The following PAX2 variants were observed in gnomAD, a reference collection of about 807,000 sequenced individuals.
The protein encoded by PAX2 is paired box 2, also known as paired box protein Pax-2.
In PAX2, 9 loss-of-function variants were observed where a neutral mutation model predicts 41.7. That is an observed-to-expected ratio of 0.22 (90% CI 0.13 to 0.38). The LOEUF is 0.38. Ranked by LOEUF, PAX2 falls within the 10% of genes least tolerant of loss-of-function variation. The pLI is 1.00. For missense variants in PAX2, 418 were observed against 531.6 expected, an observed-to-expected ratio of 0.79 and a Z score of 2.10; for synonymous variants, 221 against 212.7, an observed-to-expected ratio of 1.04 and a Z score of -0.34.
chr10:100,818,805 T>C (rs2133974205), intron 7 of PAX2, among the ~76,000 whole-genome samples: 1 of 152,340 alleles, frequency 6.6e-6, no homozygotes, highest in African/African-American at 2.4e-5. Flanking sequence ...CCTATCTATT[T>C]TCTGGGTCTG....
chr10:100,746,285 C>T lies in PAX2; in HGVS notation c.25C>T (p.Pro9Ser), dbSNP rs1000608445. The T allele has an allele frequency of 1.9e-6, 3 of 1,611,910 alleles. No homozygotes were observed. ...CATGGATATGCACTGCAAAGCAGAC[C>T]CCTTCTCCGCGATGCACCGTGAGTA... MDMHCKAD[P>S]FSAMHPGHGG... The change falls in exon 1 of 10, where the codon CCC becomes TCC. Residue 9 changes from proline (P) to serine (S), a missense_variant. Transcript: ENST00000355243.
rs987202452 is a variant in PAX2 at position 100,748,506 on chromosome 10, G to T, written c.44-1240G>T. The stretch of plus-strand genomic sequence containing the variant: ...CCGAAACTCGCGTGAGGCTAGCGGG[G>T]CAGGGGCTGCAGCTTGCCAGTCCGG... On this transcript the variant is annotated intron_variant, in intron 1 of 9. Coordinates refer to ENST00000355243, the MANE Select transcript of PAX2 (RefSeq NM_000278.5). This position sits in a 1 kb window ranked among gnomAD's most constrained non-coding sequence, Gnocchi z 5.0. 2.0e-6 allele frequency: 2 copies of T among 985,290 alleles called. No individual in the cohort carries two copies. The highest frequency in any genetic ancestry group is 9.4e-5 in the South Asian group (2 of 21,278). 61.0% of individuals were successfully genotyped at this position (985,290 alleles called of 1,614,324 possible).
intron 5 of PAX2, among the ~76,000 whole-genome samples, chr10:100,782,318 C>A (rs1259070599): frequency 6.6e-6 from 1 of 152,242 alleles, no homozygotes; most frequent in Non-Finnish European, 1.5e-5. Flanking sequence ...AGAACAGTCC[C>A]AATTTATGCC....
At chr10:100,767,364 G>A (rs1846064055) in intron 3 of PAX2, among the ~76,000 whole-genome samples, 1 of 152,216 alleles carries the variant, frequency 6.6e-6, no homozygotes, top group Admixed American at 6.5e-5. Context: ...AGGCCTCTGG[G>A]CTCTCATTGC....
upstream of PAX2, among the ~76,000 whole-genome samples, chr10:100,745,427 C>T (rs1313103039): frequency 1.3e-5 from 2 of 151,932 alleles, no homozygotes; most frequent in Non-Finnish European, 2.9e-5. Flanking sequence ...GCCCTCCTCG[C>T]CGAAGCTCGG....
At position 100,824,786 on chromosome 10, in the gene PAX2, G is replaced by C. The variant is rs1848493763; in HGVS notation, c.1021+37G>C. ...TGCTGCAGCTGCCTAATCTAGGTGGGGGGAACTAAATTGTGGGTGAGCTGC... is the reference window on the plus strand; with the variant it reads ...TGCTGCAGCTGCCTAATCTAGGTGGCGGGAACTAAATTGTGGGTGAGCTGC... On this transcript the variant is annotated intron_variant, in intron 8 of 9. Coordinates refer to ENST00000355243, the MANE Select transcript of PAX2 (RefSeq NM_000278.5). The surrounding 1 kb of genome is among the most constrained non-coding windows in gnomAD (Gnocchi z 6.6). The C allele has an allele frequency of 1.3e-6, 2 of 1,527,160 alleles. No individual in the cohort carries two copies. The highest frequency in any genetic ancestry group is 1.8e-6 in the Non-Finnish European group (2 of 1,100,716). 94.6% of individuals were successfully genotyped at this position (1,527,160 alleles called of 1,614,324 possible).
chr10:100,771,474 C>T (rs1249281921), intron 3 of PAX2, among the ~76,000 whole-genome samples: 3 of 152,206 alleles, frequency 2.0e-5, no homozygotes, highest in Admixed American at 6.5e-5. Context: ...AAGGAAGCCA[C>T]GTGCAGGAGA....
chr10:100,821,076 A>T (rs1255506890), intron 7 of PAX2, among the ~76,000 whole-genome samples: 1 of 152,242 alleles, frequency 6.6e-6, no homozygotes, highest in East Asian at 1.9e-4. Context: ...GCTTGCACAG[A>T]TTCCATTACC....
chr10:100,806,471 G>C lies in PAX2; in HGVS notation c.658G>C (p.Gly220Arg). The change falls in exon 6 of 10, where the codon GGT (glycine) becomes CGT (arginine). Residue 220 changes from glycine to arginine, a missense_variant. Around this residue, in one of 2 missense-constraint regions of PAX2, gnomAD observed 310 missense variants for 325.2 expected, o/e 0.95. Coordinates refer to ENST00000355243, the MANE Select transcript of PAX2 (RefSeq NM_000278.5). ...AGTCCCCAATGGAGATTCCCAGAGTGGTGTGGACAGTTTGCGGAAGCACTT... is the reference window on the plus strand; with the variant it reads ...AGTCCCCAATGGAGATTCCCAGAGTCGTGTGGACAGTTTGCGGAAGCACTT... ...GSVPNGDSQS[G>R]VDSLRKHLRA... 1 of 1,614,228 alleles carries C rather than the reference G, an allele frequency of 6.2e-7. No individual in the cohort carries two copies. Among genetic ancestry groups the C allele is most frequent in the Non-Finnish European group, 8.5e-7 (1 of 1,180,040 alleles).
At chr10:100,751,582 C>T (rs1345789581) in intron 3 of PAX2, among the ~76,000 whole-genome samples, 2 of 152,230 alleles carry the variant, frequency 1.3e-5, no homozygotes, top group East Asian at 3.8e-4. Context: ...AGTCTTTGCA[C>T]TGATGACAGG....
At chr10:100,781,931 A>G (rs1846645301) in intron 5 of PAX2, among the ~76,000 whole-genome samples, 2 of 152,168 alleles carry the variant, frequency 1.3e-5, no homozygotes, top group South Asian at 4.1e-4. Context: ...AAATGCCTCA[A>G]GGTGCAGCCA....
intron 3 of PAX2, among the ~76,000 whole-genome samples, chr10:100,759,054 G>T (rs1248803516): frequency 6.6e-6 from 1 of 152,190 alleles, no homozygotes; most frequent in African/African-American, 2.4e-5. Context: ...GCTGGACAGG[G>T]TTGTTCGGGA....
intron 5 of PAX2, among the ~76,000 whole-genome samples, chr10:100,800,269 CTTT>C (rs1847509303): frequency 2.4e-5 from 1 of 41,272 alleles, no homozygotes; most frequent in Non-Finnish European, 6.1e-5. Flanking sequence ...CTTTTCTTTT[CTTT>C]CTTTTTTTTT....
intron 7 of PAX2, among the ~76,000 whole-genome samples, chr10:100,815,004 G>C (rs75864458): frequency 0.012 from 1,851 of 152,310 alleles, 26 homozygotes; most frequent in Non-Finnish European, 0.021. Context: ...TTCTGAAAAG[G>C]GTTGCCAACT....
chr10:100,764,136 ATTTTTTTT>A (rs145391942), intron 3 of PAX2, among the ~76,000 whole-genome samples: 2 of 103,746 alleles, frequency 1.9e-5, no homozygotes, highest in African/African-American at 4.1e-5. Flanking sequence ...CAAACATTGA[ATTTTTTTT>A]TTTTTTTTTT....
At chr10:100,749,401 C>T (rs200070380) in intron 1 of PAX2, 1 of 1,120,242 alleles carries the variant, frequency 8.9e-7, no homozygotes, top group East Asian at 5.1e-5. Context: ...CCTCTCCTCG[C>T]TTTCTTACGC....
In PAX2 at chr10:100,777,396, G is replaced by A. The variant is rs1246601739; in HGVS notation, c.411-2102G>A. 1.7e-5 allele frequency among the ~76,000 whole-genome samples: 2 copies of A among 117,998 alleles called. 1 individual carries two copies. Among genetic ancestry groups the A allele is most frequent in the African/African-American group, 6.0e-5 (2 of 33,064 alleles). 77.4% of individuals were successfully genotyped at this position (117,998 alleles called of 152,430 possible). The stretch of plus-strand genomic sequence containing the variant: ...TTACAGGCATGAGCCACCGCATCTG[G>A]CCTTTTTTTTTTTTTTGAGATGGAG... On this transcript the variant is annotated intron_variant, in intron 3 of 9. Coordinates refer to ENST00000355243, the MANE Select transcript of PAX2 (RefSeq NM_000278.5).
intron 7 of PAX2, among the ~76,000 whole-genome samples, chr10:100,818,927 C>T (rs1370731584): frequency 6.6e-6 from 1 of 152,122 alleles, no homozygotes; most frequent in African/African-American, 2.4e-5. Flanking sequence ...ATATTTGGCC[C>T]CTCTGAGTTT....
intron 5 of PAX2, among the ~76,000 whole-genome samples, 180 bp from the exon 6 acceptor site, chr10:100,806,250 T>A: frequency 6.6e-6 from 1 of 152,308 alleles, no homozygotes; most frequent in East Asian, 1.9e-4. Context: ...CTCAGCCAGA[T>A]CTCTGAGGCA....
Sources: allele counts gnomAD v4.1 joint callset (sites outside exome capture counted in the v4.1 genomes callset), GRCh38; gene constraint gnomAD v4.1.1; regional missense constraint gnomAD v4.1.1; non-coding constraint Gnocchi (gnomAD v3.1); transcripts MANE v1.5; gene names NCBI Gene and HGNC (gene_info 2026-07-23, HGNC 2026-07-21).